The following DLGAP1 variants were observed in gnomAD, a reference collection of about 807,000 sequenced individuals.
DLGAP1 encodes the protein disks large-associated protein 1.
DLGAP1 carries 11 observed loss-of-function variants against 90.8 expected under a neutral mutation model. The ratio of observed to expected loss-of-function variants is 0.12; its 90% CI spans 0.08 to 0.20. The LOEUF (loss-of-function observed/expected upper bound fraction) is 0.20, where lower values mean the gene tolerates loss of function less well. Ranked by LOEUF, DLGAP1 falls within the 10% of genes least tolerant of loss-of-function variation. DLGAP1 has a pLI of 1.00. For missense variants in DLGAP1, 1,050 were observed against 1,333.8 expected (o/e 0.79, Z 3.31); for synonymous variants, 558 against 540.7 (o/e 1.03, Z -0.44).
chr18:3,600,650 A>ATATAGATATCTATAGATATC, intron 7 of DLGAP1, among the ~76,000 whole-genome samples: 1 of 145,736 alleles, frequency 6.9e-6, no homozygotes, highest in Non-Finnish European at 1.5e-5. Flanking sequence ...CAGAATGGAG[A>ATATAGATATCTATAGATATC]TATAGATATC....
intron 2 of DLGAP1, among the ~76,000 whole-genome samples, chr18:4,076,358 C>T (rs2075523029): frequency 6.6e-6 from 1 of 152,058 alleles, no homozygotes; most frequent in Non-Finnish European, 1.5e-5. Context: ...CTTTTAAGTA[C>T]AGGAACTATA....
intron 1 of DLGAP1, among the ~76,000 whole-genome samples, chr18:4,228,118 A>T (rs1037319923): frequency 3.3e-5 from 5 of 151,840 alleles, no homozygotes; most frequent in African/African-American, 1.2e-4. Context: ...GAAAAAAAAA[A>T]TGCCTAGTGA....
intron 1 of DLGAP1, among the ~76,000 whole-genome samples, chr18:4,384,983 C>T (rs1475041956): frequency 4.6e-5 from 7 of 152,084 alleles, no homozygotes. Flanking sequence ...TTCCGAACTC[C>T]ACTGTGGCTG....
chr18:3,910,338 TTAC>T (rs2072004570), intron 3 of DLGAP1, among the ~76,000 whole-genome samples: 2 of 152,008 alleles, frequency 1.3e-5, no homozygotes, highest in South Asian at 2.1e-4. Flanking sequence ...AATTTCTGTA[TTAC>T]TACTATTATC....
intron 1 of DLGAP1, among the ~76,000 whole-genome samples, chr18:4,399,402 A>T (rs66728715): frequency 0.093 from 14,226 of 152,226 alleles, 1,187 homozygotes; most frequent in African/African-American, 0.23. Context: ...ACATTTATTT[A>T]AAAAATCCTT....
chr18:4,427,170 A>C (rs746559608), intron 1 of DLGAP1, among the ~76,000 whole-genome samples: 37 of 152,328 alleles, frequency 2.4e-4, no homozygotes, highest in Middle Eastern at 3.4e-3. Flanking sequence ...TAATTAACCA[A>C]ATGGAGCAGA....
intron 5 of DLGAP1, among the ~76,000 whole-genome samples, chr18:3,781,019 G>A (rs67288546): frequency 0.33 from 49,602 of 151,898 alleles, 9,107 homozygotes; most frequent in Non-Finnish European, 0.42. Context: ...AGATGTGGTC[G>A]GTCTTGTTAT....
chr18:3,656,472 T>G (rs867793590), intron 7 of DLGAP1, among the ~76,000 whole-genome samples: 19 of 152,320 alleles, frequency 1.2e-4, no homozygotes, highest in African/African-American at 4.3e-4. Context: ...GGACCAGCAC[T>G]TCCTCTTTGA....
intron 5 of DLGAP1, among the ~76,000 whole-genome samples, chr18:3,782,931 T>A (rs1269639872): frequency 6.6e-6 from 1 of 152,208 alleles, no homozygotes; most frequent in Non-Finnish European, 1.5e-5. Context: ...ATCTAGAATA[T>A]ATAAACAACT....
chr18:4,115,728 T>G (rs1419804107), intron 2 of DLGAP1, among the ~76,000 whole-genome samples: 1 of 152,186 alleles, frequency 6.6e-6, no homozygotes, highest in African/African-American at 2.4e-5. Flanking sequence ...CCTCCCAAAG[T>G]GCTGGGATTA....
intron 3 of DLGAP1, among the ~76,000 whole-genome samples, chr18:3,976,987 T>C (rs974720556): frequency 6.6e-6 from 1 of 152,382 alleles, no homozygotes; most frequent in Middle Eastern, 3.4e-3. Flanking sequence ...GATTCTTTAG[T>C]AGCTATACAA....
chr18:3,644,401 T>TTTTATTTA (rs376019924), intron 7 of DLGAP1, among the ~76,000 whole-genome samples: 4,325 of 150,756 alleles, frequency 0.029, 163 homozygotes, highest in East Asian at 0.17. Flanking sequence ...TACTATTTTA[T>TTTTATTTA]TTTATTTATT....
At chr18:4,001,050 T>C (rs2074174717) in intron 3 of DLGAP1, among the ~76,000 whole-genome samples, 2 of 152,232 alleles carry the variant, frequency 1.3e-5, no homozygotes, top group Non-Finnish European at 2.9e-5. Context: ...TCATTTGTTC[T>C]CCTATTCCTA....
intron 2 of DLGAP1, among the ~76,000 whole-genome samples, chr18:4,135,906 A>G (rs1014629917): frequency 6.6e-6 from 1 of 150,732 alleles, no homozygotes; most frequent in Admixed American, 6.7e-5. Flanking sequence ...TCTAGGGTAC[A>G]TGTGCACAAC....
chr18:4,173,846 G>C (rs942409029), intron 1 of DLGAP1, among the ~76,000 whole-genome samples: 1 of 152,156 alleles, frequency 6.6e-6, no homozygotes, highest in African/African-American at 2.4e-5. Context: ...CAAATATATG[G>C]TCCTTTTCCT....
At chr18:4,434,603 AG>A (rs2083360515) in intron 1 of DLGAP1, among the ~76,000 whole-genome samples, 1 of 152,112 alleles carries the variant, frequency 6.6e-6, no homozygotes, top group Admixed American at 6.5e-5. Flanking sequence ...ACTCCTCTGG[AG>A]GAGGAATGCT....
chr18:3,553,573 G>A (rs1373937331), intron 9 of DLGAP1, among the ~76,000 whole-genome samples: 1 of 151,896 alleles, frequency 6.6e-6, no homozygotes, highest in Non-Finnish European at 1.5e-5. Context: ...TCACTCTGTC[G>A]CCCAGGATGG....
intron 2 of DLGAP1, among the ~76,000 whole-genome samples, chr18:4,057,834 C>G (rs1459219134): frequency 6.6e-6 from 1 of 152,182 alleles, no homozygotes; most frequent in Non-Finnish European, 1.5e-5. Context: ...TATGACTTGC[C>G]TTCCTTAGCT....
At chr18:3,944,636 G>A (rs1024968221) in intron 3 of DLGAP1, among the ~76,000 whole-genome samples, 6 of 152,246 alleles carry the variant, frequency 3.9e-5, no homozygotes, top group African/African-American at 1.2e-4. Context: ...GACAGATACC[G>A]CTTCTAGGAA....
Sources: allele counts gnomAD v4.1 joint callset (sites outside exome capture counted in the v4.1 genomes callset), GRCh38; gene constraint gnomAD v4.1.1; transcripts MANE v1.5; gene names NCBI Gene and HGNC (gene_info 2026-07-23, HGNC 2026-07-21).